Variants in CFAP47 observed in about 807,000 individuals in gnomAD.
The protein encoded by CFAP47 is cilia and flagella associated protein 47.
A neutral mutation model predicts 148.1 loss-of-function variants in CFAP47; 29 were observed. That is an observed-to-expected ratio of 0.20 (90% CI 0.15 to 0.27). CFAP47 has a LOEUF of 0.27. CFAP47 is among the 10% of genes least tolerant of loss of function. The pLI is 1.00. For missense variants in CFAP47, 1,872 were observed against 1,697.5 expected (o/e 1.10, Z -1.81); for synonymous variants, 664 against 577.3 (o/e 1.15, Z -2.15).
chrX:36,232,878 T>C (rs1328238835), intron 46 of CFAP47, among the ~76,000 whole-genome samples: 1 of 112,229 alleles, frequency 8.9e-6, no homozygotes, highest in African/African-American at 3.2e-5. Flanking sequence ...ATGTATCCAG[T>C]AGTCATTCAG....
At chrX:36,137,912 A>G (rs375481425) in intron 33 of CFAP47, 46 bp from the exon 34 acceptor site, 1 of 518,792 alleles carries the variant, frequency 1.9e-6, no homozygotes, top group African/African-American at 2.4e-5. Flanking sequence ...ATCTTTTAAT[A>G]AAGTAAAACT....
intron 14 of CFAP47, 110 bp downstream of exon 14, chrX:35,975,473 A>T (rs1936555408): frequency 4.8e-6 from 3 of 623,517 alleles, no homozygotes; most frequent in African/African-American, 4.6e-5. Flanking sequence ...TTCTCCAAAC[A>T]TAGAAGCTAT....
chrX:36,210,820 A>G (rs1940091908), intron 45 of CFAP47, among the ~76,000 whole-genome samples: 1 of 112,618 alleles, frequency 8.9e-6, no homozygotes, highest in Non-Finnish European at 1.9e-5. Flanking sequence ...TCTTTCTTGT[A>G]AGACTTTCAT....
chrX:36,184,425 A>G (rs1336634663), intron 40 of CFAP47, among the ~76,000 whole-genome samples: 2 of 111,119 alleles, frequency 1.8e-5, no homozygotes, highest in African/African-American at 6.5e-5. Context: ...CATAGGAATT[A>G]ATGTTGAGAA....
intron 56 of CFAP47, among the ~76,000 whole-genome samples, chrX:36,313,918 A>G (rs1941413455): frequency 1.8e-5 from 2 of 112,047 alleles, no homozygotes; most frequent in African/African-American, 6.5e-5. Flanking sequence ...TATTTGTGAG[A>G]TCTTTGCAGA....
intron 6 of CFAP47, 54 bp from the exon 7 acceptor site, chrX:35,953,538 T>A: frequency 1.1e-6 from 1 of 951,067 alleles, no homozygotes; most frequent in Non-Finnish European, 1.4e-6. Flanking sequence ...TCTTACAAGG[T>A]GATAAAGTAT....
chrX:36,271,916 G>C (rs970622924), intron 49 of CFAP47, among the ~76,000 whole-genome samples: 57 of 111,814 alleles, frequency 5.1e-4, no homozygotes, highest in African/African-American at 1.8e-3. Context: ...AGATTATGTT[G>C]AAAATGAAGT....
At chrX:36,341,042 T>C (rs1556015659) in intron 57 of CFAP47, among the ~76,000 whole-genome samples, 4 of 105,649 alleles carry the variant, frequency 3.8e-5, no homozygotes, top group East Asian at 2.9e-4. Flanking sequence ...CTTTTCTTTT[T>C]TTTTTTTTTT....
intron 57 of CFAP47, among the ~76,000 whole-genome samples, chrX:36,323,583 C>T (rs782528009): frequency 2.7e-5 from 3 of 111,486 alleles, no homozygotes; most frequent in Admixed American, 9.6e-5. Flanking sequence ...TTACGACTAA[C>T]ATATGTTCCT....
intron 56 of CFAP47, among the ~76,000 whole-genome samples, chrX:36,318,897 C>T (rs1015097577): frequency 1.8e-5 from 2 of 111,567 alleles, no homozygotes; most frequent in African/African-American, 6.5e-5. Context: ...TGGCCTTGAA[C>T]TCTTGGCCTC....
chrX:35,938,422 AT>A (rs1935949997), intron 2 of CFAP47, among the ~76,000 whole-genome samples: 1 of 111,606 alleles, frequency 9.0e-6, no homozygotes, highest in Non-Finnish European at 1.9e-5. Flanking sequence ...ATCCATGCAT[AT>A]TTTTAATAAT....
At chrX:35,966,374 TAAA>T (rs1418582137) in intron 8 of CFAP47, among the ~76,000 whole-genome samples, 188 bp from the exon 9 acceptor site, 2 of 105,674 alleles carry the variant, frequency 1.9e-5, no homozygotes, top group African/African-American at 3.4e-5. Context: ...TAATTTTTAT[TAAA>T]AAATTATTTA....
At chrX:36,230,975 T>C (rs1470434964) in intron 46 of CFAP47, among the ~76,000 whole-genome samples, 4 of 104,887 alleles carry the variant, frequency 3.8e-5, no homozygotes, top group African/African-American at 1.1e-4. Context: ...TCAATATCTC[T>C]GTTTTGGTAC....
chrX:36,302,930 A>G (rs1338857684), intron 53 of CFAP47, among the ~76,000 whole-genome samples: 1 of 112,204 alleles, frequency 8.9e-6, no homozygotes, highest in African/African-American at 3.2e-5. Context: ...AGGTCTCAAA[A>G]ATAGAGAACC....
chrX:36,082,748 T>A (rs1006686017), intron 29 of CFAP47, among the ~76,000 whole-genome samples: 8 of 111,413 alleles, frequency 7.2e-5, no homozygotes, highest in African/African-American at 2.0e-4. Context: ...TCTCATTTAG[T>A]ATAATACATA....
In CFAP47 at chrX:35,919,923, G is replaced by T. The variant is rs752508091; in HGVS notation, c.124G>T (p.Val42Leu). The change falls in exon 1 of 64, where the codon GTG becomes TTG. Residue 42 changes from valine (V) to leucine (L), a missense_variant. Val to Leu is a conservative substitution (Grantham distance 32). Transcript: ENST00000378653. ...CTCGGGTAGAGACATGCAGCTGCGGGTGATCCCGGCTGAGGTGAAGTTCCT... is the reference window on the plus strand; with the variant it reads ...CTCGGGTAGAGACATGCAGCTGCGGTTGATCCCGGCTGAGGTGAAGTTCCT... ...DSSGRDMQLR[V>L]IPAEVKFLDT... The T allele has an allele frequency of 2.5e-6, 3 of 1,211,429 alleles. No individual in the cohort carries two copies. The highest frequency in any genetic ancestry group is 2.2e-6 in the Non-Finnish European group (2 of 895,378).
chrX:36,182,885 TA>T (rs1168143726), intron 40 of CFAP47, among the ~76,000 whole-genome samples: 1 of 112,881 alleles, frequency 8.9e-6, no homozygotes, highest in Non-Finnish European at 1.9e-5. Flanking sequence ...TGTGTCAACA[TA>T]TAGCCTATTT....
intron 26 of CFAP47, among the ~76,000 whole-genome samples, chrX:36,065,418 A>G (rs766720280): frequency 2.7e-5 from 3 of 111,988 alleles, no homozygotes; most frequent in Non-Finnish European, 3.8e-5. Context: ...GCTGTGTTCT[A>G]TAGCACACTT....
At chrX:36,094,349 A>G (rs1332149300) in intron 30 of CFAP47, among the ~76,000 whole-genome samples, 1 of 111,417 alleles carries the variant, frequency 9.0e-6, no homozygotes, top group Non-Finnish European at 1.9e-5. Context: ...AGCTTTGGCT[A>G]TTCTGGGTCT....
Sources: allele counts gnomAD v4.1 joint callset (sites outside exome capture counted in the v4.1 genomes callset), GRCh38; gene constraint gnomAD v4.1.1; transcripts MANE v1.5; gene names NCBI Gene and HGNC (gene_info 2026-07-23, HGNC 2026-07-21).